ANK2: variants seen among roughly 807,000 people sequenced by gnomAD.
The protein encoded by ANK2 is ankyrin-2.
In ANK2, 83 loss-of-function variants were observed where a neutral mutation model predicts 360.5. That is an observed-to-expected ratio of 0.23 (90% CI 0.19 to 0.28). The LOEUF (loss-of-function observed/expected upper bound fraction) is 0.28, where lower values mean the gene tolerates loss of function less well. Ranked by LOEUF, ANK2 falls within the 10% of genes least tolerant of loss-of-function variation. The pLI is 1.00. For synonymous variants in ANK2, 1,740 were observed against 1,759.5 expected (o/e 0.99, Z 0.28); for missense variants, 4,201 against 4,795.7 (o/e 0.88, Z 3.66).
At chr4:112,789,551 A>C in the ANK2 span, among the ~76,000 whole-genome samples, 1 of 152,236 alleles carries the variant, frequency 6.6e-6, no homozygotes, top group Non-Finnish European at 1.5e-5. Context: ...TATATTTATT[A>C]ACTTAGAATT....
At chr4:112,790,410 C>T in the ANK2 span, among the ~76,000 whole-genome samples, 4,495 of 151,702 alleles carry the variant, frequency 0.03, 152 homozygotes, top group African/African-American at 0.074. Flanking sequence ...GCCGGATGAC[C>T]GGATTTCTAG....
chr4:113,302,617 C>A, intron 22 of ANK2, 150 bp from the exon 23 acceptor site: 1 of 655,560 alleles, frequency 1.5e-6, no homozygotes, highest in Non-Finnish European at 2.7e-6. Context: ...TTCATGAAAG[C>A]AAATTTCCAA....
In ANK2 at chr4:113,336,687, C is replaced by T. The variant is rs749339766; in HGVS notation, c.3702C>T (p.Thr1234=). Residue 1234 remains threonine, a synonymous_variant, in exon 31 of 46, where the codon ACC becomes ACT. Transcript: ENST00000357077. ...PRRRKFHKPI[T]MTIPVPKASS... ...GAAGAAAATTCCACAAACCAATTAC[C>T]ATGACCATTCCTGTCCCCAAAGCTT... is the stretch of plus-strand genomic sequence containing the variant. 8.7e-6 allele frequency: 14 copies of T among 1,614,116 alleles called. No homozygotes were observed. Among genetic ancestry groups the T allele is most frequent in the Non-Finnish European group, 1.2e-5 (14 of 1,180,000 alleles).
chr4:112,757,929 G>T, the ANK2 span, among the ~76,000 whole-genome samples: 14,984 of 150,438 alleles, frequency 0.1, 1,102 homozygotes, highest in African/African-American at 0.2. Context: ...TCTCAGGCTG[G>T]CGTGCAATGG....
chr4:112,849,007 T>A (rs575926799), intron 1 of ANK2, among the ~76,000 whole-genome samples: 1 of 152,328 alleles, frequency 6.6e-6, no homozygotes, highest in East Asian at 1.9e-4. Flanking sequence ...TCCTGGAGTG[T>A]TTTGTTTTGG....
At chr4:113,008,546 C>T (rs1225302147) in intron 2 of ANK2, among the ~76,000 whole-genome samples, 1 of 152,106 alleles carries the variant, frequency 6.6e-6, no homozygotes, top group African/African-American at 2.4e-5. Context: ...TTCAGTTTAA[C>T]TTATGTTTGG....
At chr4:113,019,541 G>A (rs867061474) in intron 2 of ANK2, among the ~76,000 whole-genome samples, 3 of 152,122 alleles carry the variant, frequency 2.0e-5, no homozygotes, top group African/African-American at 4.8e-5. Context: ...TTAGTTTTTA[G>A]ATATTTTTGA....
the ANK2 span, among the ~76,000 whole-genome samples, chr4:112,717,651 G>A: frequency 2.6e-5 from 4 of 152,054 alleles, no homozygotes; most frequent in Non-Finnish European, 5.9e-5. Context: ...TTATACCACT[G>A]AGCTAAACAT....
chr4:112,987,248 C>T (rs1242768806), intron 2 of ANK2, among the ~76,000 whole-genome samples: 1 of 152,164 alleles, frequency 6.6e-6, no homozygotes, highest in African/African-American at 2.4e-5. Context: ...ACTTCCTCTA[C>T]CCCAGAGCTT....
At position 113,258,044 on chromosome 4, in the gene ANK2, G is replaced by A. The variant is rs758273437; in HGVS notation, c.1189-6G>A. 6.2e-7 allele frequency: 1 copy of A among 1,612,250 alleles called. No homozygotes were observed. The highest frequency in any genetic ancestry group is 8.5e-7 in the Non-Finnish European group (1 of 1,178,290). The stretch of plus-strand genomic sequence containing the variant: ...TTTTCAACTAACTTGATTGTCTTTT[G>A]CACAGAATGGTTTTACTCCACTGCA... On this transcript the variant is annotated splice_region_variant and splice_polypyrimidine_tract_variant and intron_variant, in intron 11 of 45. Coordinates refer to ENST00000357077, the MANE Select transcript of ANK2 (RefSeq NM_001148.6).
At chr4:112,789,128 G>T in the ANK2 span, among the ~76,000 whole-genome samples, 2 of 152,150 alleles carry the variant, frequency 1.3e-5, no homozygotes, top group Non-Finnish European at 2.9e-5. Context: ...CTCTCATAAA[G>T]AAGTTGTTGT....
chr4:113,258,409 A>G lies in ANK2; in HGVS notation c.1384A>G (p.Ile462Val). The change falls in exon 13 of 46, where the codon ATT becomes GTT. Residue 462 changes from isoleucine (I) to valine (V), a missense_variant and splice_region_variant. By Grantham distance (29) the Ile-to-Val change is conservative. Transcript: ENST00000357077. ...QNGASPDVTNIRGETALHMAA... is the reference protein window; with the variant it reads ...QNGASPDVTNVRGETALHMAA... ...CGGAGCCTCTCCAGATGTCACTAAC[A>G]TTGTGAGTATGGCTTGGGTCAGAAT... 1 of 1,612,798 alleles carries G rather than the reference A, an allele frequency of 6.2e-7. No homozygotes were observed. Among genetic ancestry groups the G allele is most frequent in the Non-Finnish European group, 8.5e-7 (1 of 1,178,818 alleles).
intron 1 of ANK2, among the ~76,000 whole-genome samples, chr4:113,103,041 TATTTGCCTAAGTATTTC>T (rs1024961373): frequency 2.6e-5 from 4 of 152,200 alleles, no homozygotes; most frequent in Non-Finnish European, 5.9e-5. Context: ...TTCCTCCTTG[TATTTGCCTAAGTATTTC>T]ATTTACTTAG....
chr4:112,706,405 C>T, the ANK2 span, among the ~76,000 whole-genome samples: 3 of 152,140 alleles, frequency 2.0e-5, no homozygotes, highest in African/African-American at 7.2e-5. Flanking sequence ...CACACAGACA[C>T]ACATACAGAC....
intron 24 of ANK2, among the ~76,000 whole-genome samples, 161 bp downstream of exon 24, chr4:113,311,560 G>C (rs2079969762): frequency 6.6e-6 from 1 of 152,126 alleles, no homozygotes; most frequent in Admixed American, 6.5e-5. Context: ...ACAACTTTAA[G>C]ATATGCCCAT....
rs1438867867 is a variant in ANK2, at chr4:113,383,343, G to A, written c.*1872G>A. ...ACTTTTTGGCAGTTGGATAGGAAAT[G>A]AGACATTCTTTGGCAGCCAAAATAA... On this transcript the variant is annotated 3_prime_UTR_variant, in exon 46 of 46. Coordinates refer to ENST00000357077, the MANE Select transcript of ANK2 (RefSeq NM_001148.6). The A allele has an allele frequency of 6.6e-6, 1 of 152,604 alleles. No individual in the cohort carries two copies. Among genetic ancestry groups the A allele is most frequent in the African/African-American group, 2.4e-5 (1 of 41,444 alleles). 9.5% of individuals were successfully genotyped at this position (152,604 alleles called of 1,614,324 possible).
chr4:112,761,016 C>T, the ANK2 span, among the ~76,000 whole-genome samples: 2 of 151,788 alleles, frequency 1.3e-5, no homozygotes, highest in Non-Finnish European at 2.9e-5. Flanking sequence ...ACCATGTTGA[C>T]CAGGCTGGTC....
At chr4:113,096,533 G>T (rs991462824) in intron 1 of ANK2, among the ~76,000 whole-genome samples, 4 of 152,072 alleles carry the variant, frequency 2.6e-5, no homozygotes, top group African/African-American at 4.8e-5. Context: ...ACAAAAAGTG[G>T]ATAGCAGTAT....
At chr4:112,961,800 A>G (rs147851863) in intron 2 of ANK2, among the ~76,000 whole-genome samples, 194 of 152,286 alleles carry the variant, frequency 1.3e-3, no homozygotes, top group Middle Eastern at 6.8e-3. Flanking sequence ...TGAGAAGTCA[A>G]AATAATTACA....
Sources: gnomAD v4.1 joint callset for allele counts (sites outside exome capture counted in the v4.1 genomes callset) on GRCh38, gnomAD v4.1.1 for gene constraint, MANE v1.5 for transcripts, NCBI Gene and HGNC (gene_info 2026-07-23, HGNC 2026-07-21) for gene names.